OSGIN2: variants seen among roughly 807,000 people sequenced by gnomAD.
OSGIN2 encodes the protein oxidative stress induced growth inhibitor family member 2, also known as oxidative stress-induced growth inhibitor 2.
In OSGIN2, 19 loss-of-function variants were observed where a neutral mutation model predicts 53.8. The ratio of observed to expected loss-of-function variants is 0.35; its 90% CI spans 0.25 to 0.52. OSGIN2 has a LOEUF of 0.52. Among genes scored for constraint, OSGIN2 ranks in the 20% least tolerant of loss-of-function variants. The pLI is 0.95. For synonymous variants in OSGIN2, 236 were observed against 236.0 expected, an observed-to-expected ratio of 1.00 and a Z score of 0.00; for missense variants, 520 against 662.7, an observed-to-expected ratio of 0.78 and a Z score of 2.36.
At chr8:89,920,787 A>G (rs1009783002) in intron 4 of OSGIN2, among the ~76,000 whole-genome samples, 1 of 152,222 alleles carries the variant, frequency 6.6e-6, no homozygotes, top group South Asian at 2.1e-4. Flanking sequence ...TTGATCATAG[A>G]CCAAAGTTAT....
intron 3 of OSGIN2, 139 bp downstream of exon 3, chr8:89,914,352 T>C (rs1809034363): frequency 2.9e-6 from 2 of 697,212 alleles, no homozygotes; most frequent in Non-Finnish European, 4.7e-6. Flanking sequence ...TTCGTAAATG[T>C]ATTCTGAGTT....
At chr8:89,919,925 A>G (rs1301771845) in intron 4 of OSGIN2, among the ~76,000 whole-genome samples, 2 of 152,278 alleles carry the variant, frequency 1.3e-5, no homozygotes, top group East Asian at 3.9e-4. Context: ...TTCATGGCAT[A>G]TAGGTTACAT....
rs554943005 is a variant in OSGIN2 at position 89,924,056 on chromosome 8, G to GATGGC, written c.621-443_621-439dup. On this transcript the variant is annotated intron_variant, in intron 5 of 5. Transcript: ENST00000451899. Reference sequence around the variant, plus strand: ...AGCAGTGTACTAAAATTCATGTCAAGATGGCATGTATAATTTTAAGAAGCA... The same window carrying GATGGC: ...AGCAGTGTACTAAAATTCATGTCAAGATGGCATGGCATGTATAATTTTAAGAAGCA... Among the ~76,000 whole-genome samples the GATGGC allele has an allele frequency of 9.9e-4, 151 of 151,780 alleles. 5 individuals are homozygous for GATGGC. In the South Asian group the frequency reaches 0.03, roughly 30 times the overall value.
chr8:89,921,141 A>C lies in OSGIN2; in HGVS notation c.590A>C (p.Lys197Thr), dbSNP rs773272212. The change falls in exon 5 of 6, where the codon AAA becomes ACA. Residue 197 changes from lysine (K) to threonine (T), a missense_variant. Around this residue, in one of 3 missense-constraint regions of OSGIN2, gnomAD observed 203 missense variants for 275.3 expected, o/e 0.74. Transcript: ENST00000451899. Reference sequence around the variant, plus strand: ...AGTTGGATGGAACTACCTGGACTTAAATTTAAGGACTGGGTATCAAGTAAA... The same window carrying C: ...AGTTGGATGGAACTACCTGGACTTACATTTAAGGACTGGGTATCAAGTAAA... Reference protein sequence around the residue: ...FGSWMELPGLKFKDWVSSKRR... With the variant: ...FGSWMELPGLTFKDWVSSKRR... 116 of 1,603,468 alleles carry C rather than the reference A, an allele frequency of 7.2e-5. No homozygotes were observed. The highest frequency in any genetic ancestry group is 9.3e-5 in the Non-Finnish European group (109 of 1,172,884).
chr8:89,913,983 A>G, intron 2 of OSGIN2, 94 bp from the exon 3 acceptor site: 1 of 996,982 alleles, frequency 1.0e-6, no homozygotes, highest in South Asian at 1.5e-5. Flanking sequence ...AGAACTGGTC[A>G]GAGAAAAGAG....
At chr8:89,909,036 A>G (rs1808907776) in intron 1 of OSGIN2, among the ~76,000 whole-genome samples, 1 of 107,646 alleles carries the variant, frequency 9.3e-6, no homozygotes, top group African/African-American at 6.3e-5. Context: ...AAAAAAAAAA[A>G]AATATATATA....
At chr8:89,915,018 A>G (rs1419951025) in intron 4 of OSGIN2, among the ~76,000 whole-genome samples, 3 of 152,256 alleles carry the variant, frequency 2.0e-5, no homozygotes, top group Admixed American at 6.5e-5. Context: ...AATGTTTTGT[A>G]TAATAAAAAT....
At chr8:89,918,595 ATCAGAAT>A (rs1563473617) in intron 4 of OSGIN2, among the ~76,000 whole-genome samples, 1 of 152,234 alleles carries the variant, frequency 6.6e-6, no homozygotes, top group Non-Finnish European at 1.5e-5. Context: ...TGATTCCCAA[ATCAGAAT>A]TCCCAAAATC....
chr8:89,917,225 C>G (rs1809098916), intron 4 of OSGIN2, among the ~76,000 whole-genome samples: 1 of 152,204 alleles, frequency 6.6e-6, no homozygotes, highest in Non-Finnish European at 1.5e-5. Flanking sequence ...AGTGGCTCCA[C>G]TGTAGATCTT....
chr8:89,920,420 T>A (rs1160926378), intron 4 of OSGIN2, among the ~76,000 whole-genome samples: 1 of 152,158 alleles, frequency 6.6e-6, no homozygotes, highest in Non-Finnish European at 1.5e-5. Context: ...GTCATAGGTA[T>A]AACAGGTACT....
chr8:89,924,578 T>C lies in OSGIN2; in HGVS notation c.696T>C (p.Leu232=). ...AACATTATGTAAAAGTCATGGGTCT[T>C]CAGAAGAATTTCAGAGAGAATACTT... is the stretch of plus-strand genomic sequence containing the variant. ...YYKHYVKVMG[L]QKNFRENTYI... The change falls in exon 6 of 6, where the codon CTT becomes CTC. Residue 232 remains leucine, a synonymous_variant. Coordinates refer to ENST00000451899, the MANE Select transcript of OSGIN2 (RefSeq NM_001126111.3). 4 of 1,613,830 alleles carry C rather than the reference T, an allele frequency of 2.5e-6. No individual in the cohort carries two copies. Among genetic ancestry groups the C allele is most frequent in the Non-Finnish European group, 2.5e-6 (3 of 1,179,756 alleles).
chr8:89,910,004 GATA>G lies in OSGIN2; in HGVS notation c.199+287_199+289del, dbSNP rs1251363124. ...TTATATGACAGTGTCATGGTAATGT[GATA>G]ATATTATTAGAGCTCTGAAGAGTAT... On this transcript the variant is annotated intron_variant, in intron 2 of 5. Transcript: ENST00000451899. 1.7e-4 allele frequency among the ~76,000 whole-genome samples: 26 copies of G among 152,258 alleles called. No homozygotes were observed. The East Asian group carries it at 4.8e-3, about 28-fold the overall frequency.
intron 4 of OSGIN2, among the ~76,000 whole-genome samples, chr8:89,919,476 C>T (rs1463726630): frequency 2.0e-5 from 3 of 152,158 alleles, no homozygotes; most frequent in Non-Finnish European, 4.4e-5. Context: ...AACTGGTATT[C>T]ACATAAATCA....
intron 4 of OSGIN2, among the ~76,000 whole-genome samples, chr8:89,919,201 T>C (rs908117073): frequency 6.6e-6 from 1 of 152,174 alleles, no homozygotes; most frequent in Non-Finnish European, 1.5e-5. Flanking sequence ...AAGTTCATTC[T>C]CAGTCTCGAA....
Position 89,924,987 on chromosome 8 carries a change from A to T in OSGIN2, c.1105A>T (p.Ile369Phe). ...AGTACTGTGTGCTTACAACAGTAAT[A>T]TCCCTGTGATTCATGTGTTTCGCAG... ...DAVLCAYNSN[I>F]PVIHVFRRRV... The change falls in exon 6 of 6, where the codon ATC becomes TTC. Residue 369 changes from isoleucine (I) to phenylalanine (F), a missense_variant. Physicochemically the swap from Ile to Phe is conservative, Grantham distance 21. Transcript: ENST00000451899. 6.2e-7 allele frequency: 1 copy of T among 1,614,098 alleles called. No homozygotes were observed. Among genetic ancestry groups the T allele is most frequent in the South Asian group, 1.1e-5 (1 of 91,086 alleles).
chr8:89,914,000 T>G, intron 2 of OSGIN2, 77 bp from the exon 3 acceptor site: 1 of 1,271,926 alleles, frequency 7.9e-7, no homozygotes. Flanking sequence ...AGAGCCATCT[T>G]CAAAGTAGGA....
In OSGIN2 at chr8:89,924,866, A is replaced by C; in HGVS notation, c.984A>C (p.Ser328=). The change falls in exon 6 of 6, where the codon TCA becomes TCC. Residue 328 remains serine (S), a synonymous_variant. Transcript: ENST00000451899. The stretch of plus-strand genomic sequence containing the variant: ...AAGATTTTCCTTTTGTGTTTCATTC[A>C]ATGCCTGAATTTGGAGCTGCTATAA... ...EGEDFPFVFH[S]MPEFGAAINK... is the part of the protein sequence containing the mutation. 6.2e-7 allele frequency: 1 copy of C among 1,614,168 alleles called. No individual in the cohort carries two copies. Among genetic ancestry groups the C allele is most frequent in the Non-Finnish European group, 8.5e-7 (1 of 1,180,004 alleles).
In OSGIN2 at chr8:89,925,761, T is replaced by G; in HGVS notation, c.*229T>G. 1 of 438,384 alleles carries G rather than the reference T, an allele frequency of 2.3e-6. No individual in the cohort carries two copies. The highest frequency in any genetic ancestry group is 4.0e-6 in the Non-Finnish European group (1 of 247,144). The allele number at this position is 438,384 out of a possible 1,614,324, so 27.2% of individuals were successfully genotyped here. On this transcript the variant is annotated 3_prime_UTR_variant, in exon 6 of 6. Transcript: ENST00000451899. ...AGAAACACTGCCAACTTGGTGTAAC[T>G]TAAGCTTTCATTTAACTAAAACATT...
intron 5 of OSGIN2, 187 bp downstream of exon 5, chr8:89,921,358 A>G (rs926588200): frequency 1.8e-5 from 9 of 500,766 alleles, no homozygotes; most frequent in Non-Finnish European, 2.8e-5. Context: ...AAAACTAAGC[A>G]CAGAGCTAAG....
Sources: allele counts gnomAD v4.1 joint callset (sites outside exome capture counted in the v4.1 genomes callset), GRCh38; gene constraint gnomAD v4.1.1; regional missense constraint gnomAD v4.1.1; transcripts MANE v1.5; gene names NCBI Gene and HGNC (gene_info 2026-07-23, HGNC 2026-07-21).